The following CDH6 variants were observed in gnomAD, a reference collection of about 807,000 sequenced individuals.
The protein encoded by CDH6 is cadherin 6, also known as cadherin-6.
Under a neutral mutation model 78.0 loss-of-function variants are expected in CDH6, and 31 were observed. The ratio of observed to expected loss-of-function variants is 0.40; its 90% CI spans 0.30 to 0.54. CDH6 has a LOEUF of 0.54. CDH6 is among the 20% of genes least tolerant of loss of function. The pLI is 0.56. For synonymous variants in CDH6, 376 were observed against 368.8 expected (o/e 1.02, Z -0.23); for missense variants, 724 against 975.9 (o/e 0.74, Z 3.44).
Position 31,270,007 on chromosome 5 carries a change from T to C in CDH6, c.228+2306T>C, listed in dbSNP as rs112935104. On this transcript the variant is annotated intron_variant, in intron 2 of 11. Transcript: ENST00000265071. Reference sequence around the variant, plus strand: ...TTCCTCAAATTCCTCTTTGAAGTTATATGATATAAACAGATGAAACAATTA... The same window carrying C: ...TTCCTCAAATTCCTCTTTGAAGTTACATGATATAAACAGATGAAACAATTA... Among the ~76,000 whole-genome samples the C allele has an allele frequency of 2.9e-3, 436 of 152,370 alleles. 2 individuals carry two copies. The highest frequency in any genetic ancestry group is 9.6e-3 in the African/African-American group (400 of 41,582).
At chr5:31,304,196 C>CT (rs1737909723) in intron 6 of CDH6, among the ~76,000 whole-genome samples, 1 of 150,564 alleles carries the variant, frequency 6.6e-6, no homozygotes, top group African/African-American at 2.5e-5. Context: ...AAAAAAAAAA[C>CT]TTTAATCTGT....
intron 2 of CDH6, among the ~76,000 whole-genome samples, chr5:31,273,656 G>A (rs1008779345): frequency 2.6e-5 from 4 of 152,108 alleles, no homozygotes; most frequent in African/African-American, 7.2e-5. Flanking sequence ...CGGAACATGC[G>A]TTGGTGTTCA....
chr5:31,315,559 A>G (rs1738296417), intron 8 of CDH6, among the ~76,000 whole-genome samples: 1 of 152,218 alleles, frequency 6.6e-6, no homozygotes, highest in Non-Finnish European at 1.5e-5. Context: ...TTTATCATTA[A>G]TTCCAAATGA....
At chr5:31,236,735 G>C (rs1420240976) in intron 1 of CDH6, among the ~76,000 whole-genome samples, 5 of 152,190 alleles carry the variant, frequency 3.3e-5, no homozygotes, top group African/African-American at 1.2e-4. Flanking sequence ...TGTGCTGGCT[G>C]TGAACCTGTT....
Position 31,329,076 on chromosome 5 carries a change from T to C in CDH6, c.*5768T>C, listed in dbSNP as rs1294343619. The C allele has an allele frequency of 4.9e-6, 1 of 204,888 alleles. No individual in the cohort carries two copies. The highest frequency in any genetic ancestry group is 1.0e-5 in the Non-Finnish European group (1 of 100,332). 12.7% of individuals were successfully genotyped at this position (204,888 alleles called of 1,614,324 possible). The stretch of plus-strand genomic sequence containing the variant: ...AGTGATTTCTCACAAAGAGTAAATA[T>C]GCCTTTTGCAAATCAATTTTTGTAA... On this transcript the variant is annotated 3_prime_UTR_variant, in exon 12 of 12. Coordinates refer to ENST00000265071, the MANE Select transcript of CDH6 (RefSeq NM_004932.4).
intron 2 of CDH6, among the ~76,000 whole-genome samples, chr5:31,287,096 A>G (rs1743031739): frequency 6.6e-6 from 1 of 152,134 alleles, no homozygotes; most frequent in Non-Finnish European, 1.5e-5. Context: ...TCTCAAGAAA[A>G]TGTTCTTCCC....
intron 1 of CDH6, among the ~76,000 whole-genome samples, chr5:31,240,282 T>C (rs1741563219): frequency 1.3e-5 from 2 of 152,212 alleles, no homozygotes; most frequent in South Asian, 4.1e-4. Context: ...CATTTATATA[T>C]ATCCAATACA....
At chr5:31,319,245 A>G (rs1248556706) in intron 11 of CDH6, among the ~76,000 whole-genome samples, 1 of 152,126 alleles carries the variant, frequency 6.6e-6, no homozygotes, top group Non-Finnish European at 1.5e-5. Context: ...TTCTGTCATC[A>G]TCTACCTCCG....
intron 2 of CDH6, among the ~76,000 whole-genome samples, 174 bp downstream of exon 2, chr5:31,267,875 G>A (rs1421030807): frequency 6.6e-6 from 1 of 151,980 alleles, no homozygotes; most frequent in Non-Finnish European, 1.5e-5. Flanking sequence ...CTAGCAAAAA[G>A]CTGAGAAATG....
rs529727546 is a variant in CDH6 at position 31,303,755 on chromosome 5, AT to A, written c.1000-1410del. 3.0e-4 allele frequency among the ~76,000 whole-genome samples: 45 copies of A among 151,760 alleles called. 1 individual carries two copies. In the South Asian group the frequency reaches 5.0e-3, roughly 17 times the overall value. ...CATCGGTGGATGTAAATAACAAGAG[AT>A]TTTTTTTTCCTCCCAAGCTTTGGAT... On this transcript the variant is annotated intron_variant, in intron 6 of 11. Coordinates refer to ENST00000265071, the MANE Select transcript of CDH6 (RefSeq NM_004932.4).
chr5:31,257,718 G>C (rs988662761), intron 1 of CDH6, among the ~76,000 whole-genome samples: 2 of 151,986 alleles, frequency 1.3e-5, no homozygotes, highest in Non-Finnish European at 2.9e-5. Context: ...GTGCCTTTCA[G>C]CTACCCCCTC....
chr5:31,303,816 T>C (rs1360301224), intron 6 of CDH6, among the ~76,000 whole-genome samples: 1 of 152,168 alleles, frequency 6.6e-6, no homozygotes, highest in Non-Finnish European at 1.5e-5. Context: ...CAATAAAACA[T>C]GTTTAAGTGA....
intron 1 of CDH6, among the ~76,000 whole-genome samples, chr5:31,267,065 C>T (rs1350472516): frequency 1.3e-5 from 2 of 152,102 alleles, no homozygotes; most frequent in Non-Finnish European, 2.9e-5. Context: ...AAAAGAGTAG[C>T]GCAATAATCC....
At chr5:31,291,904 T>C (rs1333641092) in intron 2 of CDH6, among the ~76,000 whole-genome samples, 2 of 152,210 alleles carry the variant, frequency 1.3e-5, no homozygotes, top group Non-Finnish European at 2.9e-5. Flanking sequence ...TATCTTCCAT[T>C]ATTTCTGCCA....
intron 1 of CDH6, among the ~76,000 whole-genome samples, chr5:31,263,052 T>C (rs1742250329): frequency 6.6e-6 from 1 of 152,186 alleles, no homozygotes; most frequent in Admixed American, 6.5e-5. Context: ...TTGGAAATTG[T>C]TTTAGTTCAT....
intron 1 of CDH6, among the ~76,000 whole-genome samples, chr5:31,253,670 A>G (rs1052652368): frequency 1.3e-5 from 2 of 152,072 alleles, no homozygotes; most frequent in African/African-American, 4.8e-5. Flanking sequence ...TCAACATATA[A>G]TTTTTGCAAG....
intron 1 of CDH6, among the ~76,000 whole-genome samples, chr5:31,219,548 G>A (rs1740954254): frequency 6.6e-6 from 1 of 152,048 alleles, no homozygotes; most frequent in African/African-American, 2.4e-5. Flanking sequence ...CATGAATGAT[G>A]TAAATGAGGC....
chr5:31,312,398 C>T (rs1411560193), intron 7 of CDH6, among the ~76,000 whole-genome samples: 6 of 152,178 alleles, frequency 3.9e-5, no homozygotes, highest in Admixed American at 3.9e-4. Flanking sequence ...GTGGCATTCC[C>T]CTGCTTAAAA....
rs1448333001 is a variant in CDH6, at chr5:31,237,255, C to T, written c.-128-30091C>T. Reference sequence around the variant, plus strand: ...TTATCCCAAGGCTAAAAGGAGCTCTCAGTAGACTCTCAAGGGCATTGCACG... The same window carrying T: ...TTATCCCAAGGCTAAAAGGAGCTCTTAGTAGACTCTCAAGGGCATTGCACG... On this transcript the variant is annotated intron_variant, in intron 1 of 11. Transcript: ENST00000265071. Among the ~76,000 whole-genome samples, 3 of 151,928 alleles carry T rather than the reference C, an allele frequency of 2.0e-5. 1 individual carries two copies. The highest frequency in any genetic ancestry group is 1.3e-4 in the Admixed American group (2 of 15,262).
Sources: gnomAD v4.1 joint callset for allele counts (sites outside exome capture counted in the v4.1 genomes callset) on GRCh38, gnomAD v4.1.1 for gene constraint, MANE v1.5 for transcripts, NCBI Gene and HGNC (gene_info 2026-07-23, HGNC 2026-07-21) for gene names.